ZNF626: variants seen among roughly 807,000 people sequenced by gnomAD.
The protein encoded by ZNF626 is CTC-513N18.7.
A neutral mutation model predicts 11.7 loss-of-function variants in ZNF626; 4 were observed. The observed-to-expected ratio is 0.34, with a 90% CI of 0.17 to 0.78. The LOEUF (loss-of-function observed/expected upper bound fraction) is 0.78. Among genes scored for constraint, ZNF626 ranks in the 30% least tolerant of loss-of-function variants. The pLI is 0.57. For missense variants in ZNF626, 588 were observed against 587.1 expected, an observed-to-expected ratio of 1.00 and a Z score of -0.01; for synonymous variants, 179 against 198.6, an observed-to-expected ratio of 0.90 and a Z score of 0.83.
chr19:20,637,207 G>A (rs200944572), intron 3 of ZNF626, among the ~76,000 whole-genome samples: 1 of 151,892 alleles, frequency 6.6e-6, no homozygotes, highest in Admixed American at 6.6e-5. Context: ...TGCATAAATC[G>A]GCTGGGCGCA....
chr19:20,641,959 ATC>A, intron 3 of ZNF626, among the ~76,000 whole-genome samples: 1 of 151,990 alleles, frequency 6.6e-6, no homozygotes, highest in East Asian at 1.9e-4. Context: ...AGAATTATTA[ATC>A]TTTTTGAAAA....
chr19:20,636,694 A>T (rs367809599), intron 3 of ZNF626, among the ~76,000 whole-genome samples: 1 of 152,164 alleles, frequency 6.6e-6, no homozygotes, highest in Non-Finnish European at 1.5e-5. Context: ...AAAAGTTGAG[A>T]CTGTTCATCA....
In ZNF626 at chr19:20,661,476, A is replaced by C; in HGVS notation, c.-30T>G. 1.2e-6 allele frequency: 2 copies of C among 1,613,184 alleles called. No homozygotes were observed. Among genetic ancestry groups the C allele is most frequent in the Non-Finnish European group, 1.7e-6 (2 of 1,179,456 alleles). On this transcript the variant is annotated 5_prime_UTR_variant, in exon 1 of 4. Coordinates refer to ENST00000601440, the MANE Select transcript of ZNF626 (RefSeq NM_001076675.3). ...GGCTTCCAGGAGGTCCCGGTGTCTT[A>C]GCTGTGGATCTCCCAATACCTGCAG...
chr19:20,626,366 A>G (rs1236121650), intron 3 of ZNF626, among the ~76,000 whole-genome samples: 1 of 152,226 alleles, frequency 6.6e-6, no homozygotes, highest in African/African-American at 2.4e-5. Context: ...CCCATCAAAA[A>G]GTTATAAAAT....
chr19:20,649,111 C>T (rs1196682214), intron 1 of ZNF626, among the ~76,000 whole-genome samples: 3 of 152,114 alleles, frequency 2.0e-5, no homozygotes, highest in African/African-American at 7.2e-5. Context: ...GAAGAAAAGC[C>T]ACTTTTTTTT....
chr19:20,650,307 CA>C (rs1970132533), intron 1 of ZNF626, among the ~76,000 whole-genome samples: 1 of 151,066 alleles, frequency 6.6e-6, no homozygotes, highest in Non-Finnish European at 1.5e-5. Flanking sequence ...ATATGGAAGG[CA>C]AGAGTTTAAT....
intron 3 of ZNF626, among the ~76,000 whole-genome samples, chr19:20,640,224 T>TTTAA (rs200510165): frequency 3.1e-3 from 180 of 57,484 alleles, no homozygotes; most frequent in African/African-American, 0.02. Context: ...AATTCAATTA[T>TTTAA]TTAAATAATT....
chr19:20,655,049 T>C (rs1970189823), intron 1 of ZNF626, among the ~76,000 whole-genome samples: 1 of 151,580 alleles, frequency 6.6e-6, no homozygotes, highest in African/African-American at 2.4e-5. Context: ...GAGGCAGCAG[T>C]TGTAGGGAGC....
intron 3 of ZNF626, among the ~76,000 whole-genome samples, chr19:20,638,348 C>T (rs373197832): frequency 7.9e-5 from 12 of 151,546 alleles, no homozygotes; most frequent in African/African-American, 2.7e-4. Context: ...TTGCTTAAAC[C>T]CAGGAGGTGG....
rs1969760932 is a variant in ZNF626 at position 20,621,786 on chromosome 19, C to G, written c.*2504G>C. 6.6e-6 allele frequency: 1 copy of G among 152,196 alleles called. No homozygotes were observed. The highest frequency in any genetic ancestry group is 1.5e-5 in the Non-Finnish European group (1 of 68,038). The allele number at this position is 152,196 out of a possible 1,614,324, so 9.4% of individuals were successfully genotyped here. ...ATTCCACTACATACCAAATAGTATA[C>G]TTCTTCCATCTTTTGCTTACACCAT... is the stretch of plus-strand genomic sequence containing the variant. On this transcript the variant is annotated 3_prime_UTR_variant, in exon 4 of 4. Transcript: ENST00000601440.
chr19:20,629,382 A>G (rs1969876999), intron 3 of ZNF626, among the ~76,000 whole-genome samples: 1 of 152,024 alleles, frequency 6.6e-6, no homozygotes, highest in African/African-American at 2.4e-5. Context: ...CTGTATGGCT[A>G]TTTTCACGAT....
At chr19:20,637,756 G>T (rs1267220668) in intron 3 of ZNF626, among the ~76,000 whole-genome samples, 2 of 151,708 alleles carry the variant, frequency 1.3e-5, no homozygotes, top group Non-Finnish European at 2.9e-5. Flanking sequence ...AGTAAAACAG[G>T]AAATGAGAAA....
At chr19:20,661,237 C>A (rs1393988964) in intron 1 of ZNF626, among the ~76,000 whole-genome samples, 1 of 152,200 alleles carries the variant, frequency 6.6e-6, no homozygotes. Flanking sequence ...AGTCACCGCG[C>A]AGTGAAGAGA....
At chr19:20,628,831 G>A (rs1969870096) in intron 3 of ZNF626, among the ~76,000 whole-genome samples, 1 of 152,116 alleles carries the variant, frequency 6.6e-6, no homozygotes, top group Non-Finnish European at 1.5e-5. Context: ...CATTGCTTTT[G>A]GTGTTTTAGA....
chr19:20,627,837 G>C (rs1188362392), intron 3 of ZNF626, among the ~76,000 whole-genome samples: 2 of 152,138 alleles, frequency 1.3e-5, no homozygotes, highest in African/African-American at 2.4e-5. Context: ...GTGCAGGTTT[G>C]TTACATATGT....
chr19:20,656,313 AAAACTTAAAATTATAAG>A (rs1970204783), intron 1 of ZNF626, among the ~76,000 whole-genome samples: 1 of 152,160 alleles, frequency 6.6e-6, no homozygotes, highest in African/African-American at 2.4e-5. Flanking sequence ...ACTTAAATGA[AAAACTTAAAATTATAAG>A]AAACTCTGCA....
intron 3 of ZNF626, among the ~76,000 whole-genome samples, chr19:20,637,018 CAAAAAAAAAAA>C (rs74172354): frequency 1.7e-5 from 1 of 58,768 alleles, no homozygotes; most frequent in Non-Finnish European, 3.1e-5. Context: ...GACTCCATCT[CAAAAAAAAAAA>C]AAAAAAAAAG....
chr19:20,638,614 T>A (rs1368226937), intron 3 of ZNF626, among the ~76,000 whole-genome samples: 2 of 151,688 alleles, frequency 1.3e-5, no homozygotes, highest in African/African-American at 4.8e-5. Flanking sequence ...CACAATTGAG[T>A]GGGGTAGTCA....
rs531799163 is a variant in ZNF626 at position 20,628,932 on chromosome 19, T to C, written c.227-3282A>G. Among the ~76,000 whole-genome samples the C allele has an allele frequency of 2.0e-3, 299 of 152,360 alleles. 1 individual carries two copies. Among genetic ancestry groups the C allele is most frequent in the African/African-American group, 6.9e-3 (287 of 41,584 alleles). ...TGGTTTTAGGTCTAACATTTAAGTC[T>C]TTAATCCATCTTGAATTAATTTTTG... On this transcript the variant is annotated intron_variant, in intron 3 of 3. Coordinates refer to ENST00000601440, the MANE Select transcript of ZNF626 (RefSeq NM_001076675.3).
Sources: allele counts gnomAD v4.1 joint callset (sites outside exome capture counted in the v4.1 genomes callset), GRCh38; gene constraint gnomAD v4.1.1; transcripts MANE v1.5; gene names NCBI Gene and HGNC (gene_info 2026-07-23, HGNC 2026-07-21).